Variants in EPHA6 observed in about 807,000 individuals in gnomAD.
The protein encoded by EPHA6 is ephrin type-A receptor 6.
In EPHA6, 50 loss-of-function variants were observed where a neutral mutation model predicts 112.0. That is an observed-to-expected ratio of 0.45 (90% CI 0.36 to 0.56). The LOEUF is 0.56. EPHA6 is among the 20% of genes least tolerant of loss of function. EPHA6 has a pLI of 0.00. For missense variants in EPHA6, 1,280 were observed against 1,417.4 expected (o/e 0.90, Z 1.56); for synonymous variants, 529 against 490.7 (o/e 1.08, Z -1.03).
intron 5 of EPHA6, among the ~76,000 whole-genome samples, chr3:97,258,668 A>G (rs919304538): frequency 1.2e-4 from 18 of 152,110 alleles, no homozygotes; most frequent in East Asian, 3.9e-4. Context: ...CATCATGTAT[A>G]GAGATGGGAA....
chr3:97,592,463 G>T, intron 11 of EPHA6, 149 bp from the exon 12 acceptor site: 1 of 815,856 alleles, frequency 1.2e-6, no homozygotes, highest in Non-Finnish European at 1.9e-6. Context: ...ATAAATTTAT[G>T]GAGTAAAAAA....
At position 97,272,228 on chromosome 3, in the gene EPHA6, C is replaced by T. The variant is rs138065091; in HGVS notation, c.1606+27941C>T. 2.1e-4 allele frequency among the ~76,000 whole-genome samples: 32 copies of T among 152,238 alleles called. No homozygotes were observed. The East Asian group carries it at 5.6e-3, about 27-fold the overall frequency. ...CTTACTTCATTTAGCATAATGTCCT[C>T]CAGGTTCAGCCATGTTGTTACTAAT... On this transcript the variant is annotated intron_variant, in intron 5 of 17. Transcript: ENST00000389672.
At chr3:96,977,018 G>T (rs2042551150) in intron 2 of EPHA6, among the ~76,000 whole-genome samples, 1 of 152,146 alleles carries the variant, frequency 6.6e-6, no homozygotes, top group Non-Finnish European at 1.5e-5. Flanking sequence ...GTCTGTCAGG[G>T]TGTGAGATAG....
intron 3 of EPHA6, among the ~76,000 whole-genome samples, chr3:97,009,688 T>G (rs2044010540): frequency 6.6e-6 from 1 of 152,262 alleles, no homozygotes; most frequent in Non-Finnish European, 1.5e-5. Context: ...TGTAAGAATC[T>G]GCACATTCCA....
intron 14 of EPHA6, among the ~76,000 whole-genome samples, chr3:97,644,099 C>G (rs2094035120): frequency 6.6e-6 from 1 of 151,864 alleles, no homozygotes; most frequent in Admixed American, 6.6e-5. Context: ...TCTCAGACCA[C>G]AGTGCAATCA....
At chr3:96,857,466 T>G (rs1479660242) in intron 1 of EPHA6, among the ~76,000 whole-genome samples, 3 of 152,132 alleles carry the variant, frequency 2.0e-5, no homozygotes, top group Admixed American at 1.3e-4. Flanking sequence ...AATAGAGAAA[T>G]ATGCCAAAAA....
At chr3:97,683,525 C>T (rs933718522) in intron 14 of EPHA6, among the ~76,000 whole-genome samples, 13 of 152,140 alleles carry the variant, frequency 8.5e-5, no homozygotes, top group African/African-American at 3.1e-4. Flanking sequence ...ATTAAAGTAA[C>T]GAAAAATGAA....
At chr3:97,737,103 G>A (rs2035295466) in intron 16 of EPHA6, among the ~76,000 whole-genome samples, 1 of 152,158 alleles carries the variant, frequency 6.6e-6, no homozygotes, top group East Asian at 1.9e-4. Flanking sequence ...GTGAAGCCAA[G>A]CATGAAATAG....
chr3:97,599,947 C>T lies in EPHA6; in HGVS notation c.2512+7210C>T, dbSNP rs1040641745. ...TTGTATCCTCTTTTATTTCCTTGAG[C>T]AGTGGTTTGTAGTTCTCCTTGAAGA... On this transcript the variant is annotated intron_variant, in intron 12 of 17. Transcript: ENST00000389672. Among the ~76,000 whole-genome samples the T allele has an allele frequency of 3.3e-3, 502 of 152,208 alleles. 3 individuals carry two copies. The highest frequency in any genetic ancestry group is 0.011 in the African/African-American group (442 of 41,538).
chr3:97,447,592 T>A (rs904960686), intron 6 of EPHA6: 3 of 168,822 alleles, frequency 1.8e-5, no homozygotes, highest in Non-Finnish European at 3.8e-5. Flanking sequence ...ACAAAAACAG[T>A]GTAGGTTTAA....
At position 97,324,427 on chromosome 3, in the gene EPHA6, TTC is replaced by T. The variant is rs753634540; in HGVS notation, c.1606+80142_1606+80143del. On this transcript the variant is annotated intron_variant, in intron 5 of 17. Transcript: ENST00000389672. ...TTCTTTTCTTTCTTTCTTTCTTTCT[TTC>T]TTTCTTTCTTTCTTTCTTTCTTTCT... 1.7e-3 allele frequency among the ~76,000 whole-genome samples: 247 copies of T among 146,430 alleles called. 3 individuals are homozygous for T. The highest frequency in any genetic ancestry group is 6.0e-3 in the African/African-American group (237 of 39,336).
intron 5 of EPHA6, among the ~76,000 whole-genome samples, chr3:97,326,341 T>C (rs2108801989): frequency 6.6e-6 from 1 of 151,962 alleles, no homozygotes; most frequent in African/African-American, 2.4e-5. Flanking sequence ...TAGAGTAGTT[T>C]AGCTTTGAAA....
At chr3:97,241,601 A>C (rs1005628516) in intron 4 of EPHA6, among the ~76,000 whole-genome samples, 1 of 151,796 alleles carries the variant, frequency 6.6e-6, no homozygotes, top group Admixed American at 6.6e-5. Context: ...CCAAGTTCTA[A>C]ATCTTAGTAA....
chr3:97,126,928 T>G (rs1576534641), intron 3 of EPHA6, among the ~76,000 whole-genome samples: 1 of 142,612 alleles, frequency 7.0e-6, no homozygotes, highest in Non-Finnish European at 1.5e-5. Context: ...TTAGATCTAA[T>G]TGAGAAACGA....
At chr3:97,652,584 T>G (rs140738119) in intron 14 of EPHA6, among the ~76,000 whole-genome samples, 257 of 152,180 alleles carry the variant, frequency 1.7e-3, no homozygotes, top group African/African-American at 5.8e-3. Flanking sequence ...AAAATAGGTT[T>G]GAGTGGGGAG....
intron 5 of EPHA6, among the ~76,000 whole-genome samples, chr3:97,391,432 G>A (rs6439152): frequency 0.012 from 1,750 of 152,098 alleles, 36 homozygotes; most frequent in African/African-American, 0.038. Context: ...TCAGTCAGAA[G>A]TCTGTTCTTT....
intron 3 of EPHA6, among the ~76,000 whole-genome samples, chr3:97,126,582 T>G (rs1474363269): frequency 6.6e-6 from 1 of 152,132 alleles, no homozygotes; most frequent in Non-Finnish European, 1.5e-5. Context: ...CCTAGGAATT[T>G]AGATATGCCA....
chr3:97,175,860 T>A (rs2108438988), intron 3 of EPHA6, among the ~76,000 whole-genome samples: 1 of 152,048 alleles, frequency 6.6e-6, no homozygotes, highest in East Asian at 1.9e-4. Context: ...AAGGACAATT[T>A]AATTTCTTTA....
At chr3:97,053,327 A>G (rs765081134) in intron 3 of EPHA6, among the ~76,000 whole-genome samples, 3 of 152,084 alleles carry the variant, frequency 2.0e-5, no homozygotes, top group Non-Finnish European at 4.4e-5. Flanking sequence ...AGTAAGTTCA[A>G]TTCGAGCAGA....
Sources: gnomAD v4.1 joint callset for allele counts (sites outside exome capture counted in the v4.1 genomes callset) on GRCh38, gnomAD v4.1.1 for gene constraint, MANE v1.5 for transcripts, NCBI Gene and HGNC (gene_info 2026-07-23, HGNC 2026-07-21) for gene names.